Variants in ALPL observed in about 807,000 individuals in gnomAD.
ALPL encodes the protein alkaline phosphatase, tissue-nonspecific isozyme.
A neutral mutation model predicts 51.3 loss-of-function variants in ALPL; 42 were observed. That is an observed-to-expected ratio of 0.82 (90% CI 0.64 to 1.06). The LOEUF is 1.06. ALPL is among the 50% of genes least tolerant of loss of function. The pLI is 0.00. For missense variants in ALPL, 589 were observed against 709.4 expected (o/e 0.83, Z 1.93); for synonymous variants, 279 against 296.4 (o/e 0.94, Z 0.60).
At chr1:21,517,072 T>A (rs1643814305) in intron 1 of ALPL, among the ~76,000 whole-genome samples, 1 of 152,248 alleles carries the variant, frequency 6.6e-6, no homozygotes, top group South Asian at 2.1e-4. Flanking sequence ...GACTATCTCA[T>A]GTCAATTTCT....
chr1:21,570,153 T>C (rs1442301128), intron 7 of ALPL, 152 bp from the exon 8 acceptor site: 11 of 757,714 alleles, frequency 1.5e-5, no homozygotes, highest in Non-Finnish European at 2.3e-5. Flanking sequence ...TGATTCATCA[T>C]TTCTTGAGGT....
In ALPL at chr1:21,561,082, C is replaced by G. The variant is rs201873253; in HGVS notation, c.182-15C>G. ...CAGGAGCACGAGAGACTGAGGCCCC[C>G]ACTCCCCACTGCAGGGATGGGTGTC... On this transcript the variant is annotated splice_polypyrimidine_tract_variant and intron_variant, in intron 3 of 11. Coordinates refer to ENST00000374840, the MANE Select transcript of ALPL (RefSeq NM_000478.6). 1.9e-4 allele frequency: 300 copies of G among 1,594,784 alleles called. 2 individuals carry two copies. The African/African-American group carries it at 3.4e-3, about 18-fold the overall frequency.
At chr1:21,518,552 A>T (rs1570166098) in intron 1 of ALPL, among the ~76,000 whole-genome samples, 2 of 151,710 alleles carry the variant, frequency 1.3e-5, no homozygotes, top group African/African-American at 4.8e-5. Context: ...GGCCAGCCTA[A>T]CTCTTTCCAG....
intron 1 of ALPL, among the ~76,000 whole-genome samples, chr1:21,538,864 T>G (rs1644145180): frequency 6.6e-6 from 1 of 152,164 alleles, no homozygotes. Flanking sequence ...CAGAAGAGAC[T>G]TGGACCCTAG....
rs1767430 is a variant in ALPL at position 21,560,797 on chromosome 1, C to G, written c.181+52C>G. The G allele has an allele frequency of 6.0e-5, 97 of 1,609,586 alleles. No homozygotes were observed. The African/African-American group carries it at 1.0e-3, about 17-fold the overall frequency. On this transcript the variant is annotated intron_variant, in intron 3 of 11. Coordinates refer to ENST00000374840, the MANE Select transcript of ALPL (RefSeq NM_000478.6). ...GTGGAACAGGACACCTAGCTAGGAG[C>G]CCCGGGAGCCAGGCTGAGTTGAAGG...
rs997157266 is a variant in ALPL, at chr1:21,564,696, C to T, written c.648+480C>T. 6.6e-6 allele frequency among the ~76,000 whole-genome samples: 1 copy of T among 152,246 alleles called. No individual in the cohort carries two copies. Among genetic ancestry groups the T allele is most frequent in the Admixed American group, 6.5e-5 (1 of 15,290 alleles). Reference sequence around the variant, plus strand: ...GTTCCAGACCTTGCCCTGCGTGTTGCTAGCTGTGTGACCTTGGGTCAGTTA... The same window carrying T: ...GTTCCAGACCTTGCCCTGCGTGTTGTTAGCTGTGTGACCTTGGGTCAGTTA... On this transcript the variant is annotated intron_variant, in intron 6 of 11. Coordinates refer to ENST00000374840, the MANE Select transcript of ALPL (RefSeq NM_000478.6). This position sits in a 1 kb window ranked among gnomAD's most constrained non-coding sequence, Gnocchi z 5.8.
rs1201840961 is a variant in ALPL, at chr1:21,509,628, C to T, written c.-105+111C>T. The T allele has an allele frequency of 1.3e-5, 2 of 152,666 alleles. No homozygotes were observed. Among genetic ancestry groups the T allele is most frequent in the Non-Finnish European group, 2.9e-5 (2 of 68,450 alleles). 9.5% of individuals were successfully genotyped at this position (152,666 alleles called of 1,614,324 possible). Reference sequence around the variant, plus strand: ...CGTGGTTGAACTTTAATGGCAGGGCCGGGGTCTCCAGCGCCACGCCGCCCA... The same window carrying T: ...CGTGGTTGAACTTTAATGGCAGGGCTGGGGTCTCCAGCGCCACGCCGCCCA... On this transcript the variant is annotated intron_variant, in intron 1 of 11. Coordinates refer to ENST00000374840, the MANE Select transcript of ALPL (RefSeq NM_000478.6). This position sits in a 1 kb window ranked among gnomAD's most constrained non-coding sequence, Gnocchi z 6.0.
intron 1 of ALPL, among the ~76,000 whole-genome samples, chr1:21,524,087 T>C (rs1247960434): frequency 7.6e-6 from 1 of 131,284 alleles, no homozygotes; most frequent in Non-Finnish European, 1.5e-5. Context: ...CACTGCCACC[T>C]CCACCTCCCA....
rs576382854 is a variant in ALPL, at chr1:21,527,487, C to T, written c.-105+17970C>T. Among the ~76,000 whole-genome samples the T allele has an allele frequency of 1.2e-4, 18 of 151,080 alleles. No individual in the cohort carries two copies. In the South Asian group the frequency reaches 1.9e-3, roughly 16 times the overall value. On this transcript the variant is annotated intron_variant, in intron 1 of 11. Coordinates refer to ENST00000374840, the MANE Select transcript of ALPL (RefSeq NM_000478.6). ...TATTTGATTCTTTTTTTGGAGGGGG[C>T]GAGGGGCTGTCTTTTTGTACAAACC...
Position 21,568,322 on chromosome 1 carries a change from G to A in ALPL, c.792+75G>A, listed in dbSNP as rs1048266280. 10 of 1,602,758 alleles carry A rather than the reference G, an allele frequency of 6.2e-6. No individual in the cohort carries two copies. The African/African-American group carries it at 1.3e-4, about 21-fold the overall frequency. On this transcript the variant is annotated intron_variant, in intron 7 of 11. Coordinates refer to ENST00000374840, the MANE Select transcript of ALPL (RefSeq NM_000478.6). Reference sequence around the variant, plus strand: ...GAGGCTGTGTGACCCCTGCTCTGAAGTTCTGTTGTCCTCTGTAGAAAGGGC... The same window carrying A: ...GAGGCTGTGTGACCCCTGCTCTGAAATTCTGTTGTCCTCTGTAGAAAGGGC...
chr1:21,514,286 A>C (rs2148053726), intron 1 of ALPL, among the ~76,000 whole-genome samples: 1 of 152,224 alleles, frequency 6.6e-6, no homozygotes, highest in Admixed American at 6.5e-5. Flanking sequence ...CATTCTAAAG[A>C]TTGCACAGCC....
At position 21,564,072 on chromosome 1, in the gene ALPL, A is replaced by G. The variant is rs1428484325; in HGVS notation, c.504A>G (p.Arg168=). Reference sequence around the variant, plus strand: ...CTGTGGGCATTGTGACCACCACGAGAGTGAACCATGCCACCCCCAGCGCCG... The same window carrying G: ...CTGTGGGCATTGTGACCACCACGAGGGTGAACCATGCCACCCCCAGCGCCG... ...GKSVGIVTTT[R]VNHATPSAAY... is the part of the protein sequence containing the mutation. Residue 168 remains arginine (R), a synonymous_variant, in exon 6 of 12, where the codon AGA becomes AGG. Coordinates refer to ENST00000374840, the MANE Select transcript of ALPL (RefSeq NM_000478.6). The surrounding 1 kb of genome is among the most constrained non-coding windows in gnomAD (Gnocchi z 5.8). The G allele has an allele frequency of 2.5e-6, 4 of 1,613,842 alleles. No individual in the cohort carries two copies. Among genetic ancestry groups the G allele is most frequent in the African/African-American group, 1.3e-5 (1 of 74,884 alleles).
At chr1:21,509,164 G>A (rs1162819793), upstream of ALPL, among the ~76,000 whole-genome samples, 1 of 152,134 alleles carries the variant, frequency 6.6e-6, no homozygotes, top group Non-Finnish European at 1.5e-5. The surrounding 1 kb of genome is among the most constrained non-coding windows in gnomAD (Gnocchi z 6.0). Context: ...GCAGCCCGGA[G>A]GCAGAGAGAC....
chr1:21,527,252 G>A (rs4654959), intron 1 of ALPL, among the ~76,000 whole-genome samples: 18,922 of 151,818 alleles, frequency 0.12, 1,815 homozygotes, highest in East Asian at 0.48. Context: ...GGCTGGTCTC[G>A]AACTCCCGAC....
chr1:21,541,087 G>A lies in ALPL; in HGVS notation c.-104-12891G>A, dbSNP rs540521656. The stretch of plus-strand genomic sequence containing the variant: ...TGTCTGCAGCCATCCAGGTGAACAG[G>A]TCTCTGGGAAATCCCAAAGCATATG... On this transcript the variant is annotated intron_variant, in intron 1 of 11. Transcript: ENST00000374840. Among the ~76,000 whole-genome samples, 4 of 152,306 alleles carry A rather than the reference G, an allele frequency of 2.6e-5. No individual in the cohort carries two copies. The East Asian group carries it at 7.7e-4, about 29-fold the overall frequency.
chr1:21,554,732 C>T (rs1008378857), intron 2 of ALPL, among the ~76,000 whole-genome samples: 1 of 151,288 alleles, frequency 6.6e-6, no homozygotes, highest in African/African-American at 2.4e-5. Flanking sequence ...CCTCATGATC[C>T]GCCTGCCTCG....
At chr1:21,545,734 G>A (rs1644246449) in intron 1 of ALPL, among the ~76,000 whole-genome samples, 1 of 152,186 alleles carries the variant, frequency 6.6e-6, no homozygotes, top group African/African-American at 2.4e-5. Flanking sequence ...GGCTGCGCTG[G>A]TTCCTACTCC....
chr1:21,568,538 G>A (rs942737280), intron 7 of ALPL, among the ~76,000 whole-genome samples: 3 of 152,074 alleles, frequency 2.0e-5, no homozygotes, highest in Non-Finnish European at 4.4e-5. Flanking sequence ...TAGGCACCTG[G>A]CGGGGCATGC....
intron 2 of ALPL, among the ~76,000 whole-genome samples, chr1:21,558,996 G>A (rs1644449294): frequency 6.6e-6 from 1 of 152,190 alleles, no homozygotes; most frequent in Non-Finnish European, 1.5e-5. Flanking sequence ...CTGTGTGGGG[G>A]GTCCCTGGCA....
Sources: gnomAD v4.1 joint callset for allele counts (sites outside exome capture counted in the v4.1 genomes callset) on GRCh38, gnomAD v4.1.1 for gene constraint, Gnocchi (gnomAD v3.1) non-coding constraint, MANE v1.5 for transcripts, NCBI Gene and HGNC (gene_info 2026-07-23, HGNC 2026-07-21) for gene names.